The following ZNF600 variants were observed in gnomAD, a reference collection of about 807,000 sequenced individuals.
The protein encoded by ZNF600 is zinc finger protein 600.
ZNF600 carries 4 observed loss-of-function variants against 7.3 expected under a neutral mutation model. That is an observed-to-expected ratio of 0.55 (90% CI 0.27 to 1.25). The LOEUF (loss-of-function observed/expected upper bound fraction) is 1.25. Ranked by LOEUF, ZNF600 falls within the 50% of genes most tolerant of loss-of-function variation. The probability of loss-of-function intolerance (pLI) is 0.12; values close to 1 mark genes in which losing one functional copy is unlikely to be tolerated. For synonymous variants in ZNF600, 290 were observed against 308.9 expected, an observed-to-expected ratio of 0.94 and a Z score of 0.64; for missense variants, 911 against 922.1, an observed-to-expected ratio of 0.99 and a Z score of 0.16.
intron 2 of ZNF600, among the ~76,000 whole-genome samples, chr19:52,775,774 C>T (rs1041794452): frequency 5.3e-5 from 8 of 151,932 alleles, no homozygotes; most frequent in Non-Finnish European, 1.0e-4. Flanking sequence ...TTTGAGAGGT[C>T]GAGGCAGGTG....
At chr19:52,830,080 TCTGA>T in the ZNF600 span, among the ~76,000 whole-genome samples, 1 of 151,926 alleles carries the variant, frequency 6.6e-6, no homozygotes. Context: ...TTGAGAGCAG[TCTGA>T]CTGACATGGA....
the ZNF600 span, among the ~76,000 whole-genome samples, chr19:52,802,169 T>G: frequency 6.6e-6 from 1 of 152,240 alleles, no homozygotes; most frequent in East Asian, 1.9e-4. Context: ...ATGGAAATTC[T>G]GTATTGTCAA....
At chr19:52,785,485 G>A (rs1244197547) in intron 1 of ZNF600, among the ~76,000 whole-genome samples, 4 of 151,870 alleles carry the variant, frequency 2.6e-5, no homozygotes, top group Non-Finnish European at 4.4e-5. Flanking sequence ...CGGACCTCAG[G>A]TGATCCACCC....
upstream of ZNF600, among the ~76,000 whole-genome samples, chr19:52,787,197 A>T (rs7258289): frequency 0.033 from 5,092 of 152,154 alleles, 213 homozygotes; most frequent in African/African-American, 0.093. Flanking sequence ...CGGGACGGAG[A>T]GCTCAGGCCA....
At chr19:52,807,234 T>C in the ZNF600 span, among the ~76,000 whole-genome samples, 1 of 68,814 alleles carries the variant, frequency 1.5e-5, no homozygotes, top group Non-Finnish European at 4.1e-5. Context: ...GAAAGGACCA[T>C]AACATGCTGG....
chr19:52,767,379 C>A, exon 4 of ZNF600: 1 of 1,614,062 alleles, frequency 6.2e-7, no homozygotes, highest in Non-Finnish European at 8.5e-7. Context: ...AGGAGAAATT[C>A]TTTGGGATGT....
chr19:52,821,589 CCG>C, the ZNF600 span: 1 of 152,174 alleles, frequency 6.6e-6, no homozygotes, highest in Non-Finnish European at 1.5e-5. Context: ...AACTCACCGC[CCG>C]CCGCGGCGTC....
chr19:52,785,834 C>T (rs151207979), intron 1 of ZNF600, among the ~76,000 whole-genome samples: 1,732 of 152,240 alleles, frequency 0.011, 31 homozygotes, highest in African/African-American at 0.04. Context: ...CTCTTTGCTG[C>T]CCCTCTCCCT....
intron 2 of ZNF600, among the ~76,000 whole-genome samples, chr19:52,777,886 G>T (rs1485104050): frequency 6.6e-6 from 1 of 152,100 alleles, no homozygotes; most frequent in African/African-American, 2.4e-5. Context: ...GGTGACCCAT[G>T]CCTATCACTC....
chr19:52,816,834 AAATAATAATAATAATAAT>A, the ZNF600 span, among the ~76,000 whole-genome samples: 1 of 138,402 alleles, frequency 7.2e-6, no homozygotes, highest in Non-Finnish European at 1.5e-5. Context: ...CCGTTTCAGA[AAATAATAATAATAATAAT>A]AATAATAATA....
chr19:52,787,644 G>A (rs2062776521), upstream of ZNF600, among the ~76,000 whole-genome samples: 1 of 151,238 alleles, frequency 6.6e-6, no homozygotes, highest in South Asian at 2.1e-4. Context: ...AGATCATGAG[G>A]TCAGGAGATC....
the ZNF600 span, among the ~76,000 whole-genome samples, chr19:52,826,778 A>G: frequency 1.3e-5 from 2 of 152,100 alleles, no homozygotes; most frequent in African/African-American, 2.4e-5. Flanking sequence ...TGGGAGGCTG[A>G]GCCAGGAGAA....
the ZNF600 span, chr19:52,801,674 T>C: frequency 1.9e-6 from 3 of 1,611,468 alleles, no homozygotes; most frequent in African/African-American, 1.3e-5. Context: ...TTGAGAAGAA[T>C]GTCTTCATCA....
chr19:52,792,539 C>G, the ZNF600 span, among the ~76,000 whole-genome samples: 1 of 151,830 alleles, frequency 6.6e-6, no homozygotes, highest in South Asian at 2.1e-4. Context: ...GGCGACAAAA[C>G]GAGACTTCAT....
At chr19:52,800,005 T>C in the ZNF600 span, 1 of 1,614,196 alleles carries the variant, frequency 6.2e-7, no homozygotes, top group Admixed American at 1.7e-5. Context: ...CGGAAGGTCT[T>C]GCCACACTCA....
chr19:52,818,211 C>T, the ZNF600 span, among the ~76,000 whole-genome samples: 1 of 152,202 alleles, frequency 6.6e-6, no homozygotes, highest in African/African-American at 2.4e-5. Context: ...GAAGCCCACA[C>T]ACACGCTGCA....
exon 4 of ZNF600, chr19:52,764,857 T>C (rs1274582975): frequency 5.8e-6 from 1 of 173,470 alleles, no homozygotes; most frequent in East Asian, 1.7e-4. Context: ...AAAAGTACTA[T>C]CTCTTTAAAA....
At chr19:52,792,866 G>A in the ZNF600 span, among the ~76,000 whole-genome samples, 2 of 151,756 alleles carry the variant, frequency 1.3e-5, no homozygotes, top group Non-Finnish European at 2.9e-5. Flanking sequence ...CCGAGTAGCT[G>A]GGACTACAGG....
the ZNF600 span, among the ~76,000 whole-genome samples, chr19:52,792,258 G>A: frequency 3.9e-5 from 6 of 152,162 alleles, no homozygotes; most frequent in Non-Finnish European, 4.4e-5. Flanking sequence ...TAGGGTGAGC[G>A]TTGGGCTGTG....
Sources: gnomAD v4.1 joint callset for allele counts (sites outside exome capture counted in the v4.1 genomes callset) on GRCh38, gnomAD v4.1.1 for gene constraint, MANE v1.5 for transcripts, NCBI Gene and HGNC (gene_info 2026-07-23, HGNC 2026-07-21) for gene names.